Variants in WDPCP observed in about 807,000 individuals in gnomAD.
WDPCP encodes the protein WD repeat containing planar cell polarity effector.
Under a neutral mutation model 93.1 loss-of-function variants are expected in WDPCP, and 71 were observed. The ratio of observed to expected loss-of-function variants is 0.76; its 90% CI spans 0.63 to 0.93. WDPCP has a LOEUF of 0.93. WDPCP is among the 40% of genes least tolerant of loss of function. The pLI is 0.00. For synonymous variants in WDPCP, 315 were observed against 315.0 expected (o/e 1.00, Z 0.00); for missense variants, 844 against 887.4 (o/e 0.95, Z 0.62).
At chr2:63,286,836 AT>A (rs1247644034) in intron 13 of WDPCP, among the ~76,000 whole-genome samples, 4 of 151,978 alleles carry the variant, frequency 2.6e-5, no homozygotes, top group Non-Finnish European at 5.9e-5. Flanking sequence ...TTGCTTTTTA[AT>A]TTTTTATCAA....
At chr2:63,175,621 C>T (rs576019450) in intron 14 of WDPCP, among the ~76,000 whole-genome samples, 10 of 152,272 alleles carry the variant, frequency 6.6e-5, no homozygotes, top group African/African-American at 1.9e-4. Context: ...TGATAACCAA[C>T]GTGTTATTTT....
chr2:63,195,945 A>ATAAT (rs1459033642), intron 14 of WDPCP, among the ~76,000 whole-genome samples: 2 of 152,226 alleles, frequency 1.3e-5, no homozygotes, highest in African/African-American at 4.8e-5. Context: ...TACTACTGTA[A>ATAAT]TAATTGTATA....
At chr2:63,565,737 A>G (rs1470974981) in intron 1 of WDPCP, among the ~76,000 whole-genome samples, 3 of 152,222 alleles carry the variant, frequency 2.0e-5, no homozygotes, top group South Asian at 2.1e-4. Flanking sequence ...TATAGGTTAT[A>G]TAACTAAAGA....
At chr2:63,414,492 C>T (rs1384171055) in intron 9 of WDPCP, among the ~76,000 whole-genome samples, 1 of 151,770 alleles carries the variant, frequency 6.6e-6, no homozygotes, top group East Asian at 1.9e-4. Flanking sequence ...CACACACACA[C>T]ACACATATAT....
At chr2:63,337,597 G>A (rs985954940) in intron 12 of WDPCP, among the ~76,000 whole-genome samples, 1 of 152,138 alleles carries the variant, frequency 6.6e-6, no homozygotes, top group Non-Finnish European at 1.5e-5. Flanking sequence ...TCTTCATAGT[G>A]GCTATACTAA....
At chr2:63,199,007 A>C (rs942278829) in intron 14 of WDPCP, among the ~76,000 whole-genome samples, 2 of 152,184 alleles carry the variant, frequency 1.3e-5, no homozygotes, top group Non-Finnish European at 2.9e-5. Context: ...GCTATGCTTT[A>C]GCAGAGACTG....
intron 1 of WDPCP, among the ~76,000 whole-genome samples, chr2:63,497,623 CT>C (rs983608793): frequency 2.6e-5 from 4 of 151,996 alleles, no homozygotes; most frequent in Non-Finnish European, 5.9e-5. Flanking sequence ...AATCAACATC[CT>C]TTTTAGTCTT....
intron 14 of WDPCP, among the ~76,000 whole-genome samples, chr2:63,252,936 A>G (rs1227596771): frequency 6.6e-6 from 1 of 152,210 alleles, no homozygotes; most frequent in East Asian, 1.9e-4. Context: ...ATGGAACCAA[A>G]AAAGAGCCCA....
chr2:63,508,749 C>A (rs998537611), intron 1 of WDPCP, among the ~76,000 whole-genome samples: 1 of 152,040 alleles, frequency 6.6e-6, no homozygotes, highest in Non-Finnish European at 1.5e-5. Context: ...ATTTACCAAG[C>A]AAATGGAAAG....
chr2:63,687,635 T>G lies in WDPCP; in HGVS notation n.309-36797A>C, dbSNP rs1668827590. Among the ~76,000 whole-genome samples, 8 of 152,188 alleles carry G rather than the reference T, an allele frequency of 5.3e-5. No homozygotes were observed. The South Asian group carries it at 1.0e-3, about 20-fold the overall frequency. On this transcript the variant is annotated intron_variant and non_coding_transcript_variant, in intron 2 of 4. Transcript: ENST00000467687. ...AATGCAAATCAAAACTATAGTGAGA[T>G]ATCATCTCACCCCAGTTAAAATGGT...
intron 14 of WDPCP, among the ~76,000 whole-genome samples, chr2:63,245,609 T>C (rs943732850): frequency 1.3e-5 from 2 of 152,154 alleles, no homozygotes; most frequent in Non-Finnish European, 2.9e-5. Flanking sequence ...GATCATGTAT[T>C]GAGTAGATCC....
chr2:63,492,882 G>C lies in WDPCP; in HGVS notation c.134C>G (p.Ser45Cys). 6.2e-7 allele frequency: 1 copy of C among 1,613,548 alleles called. No homozygotes were observed. Among genetic ancestry groups the C allele is most frequent in the African/African-American group, 1.3e-5 (1 of 74,966 alleles). Residue 45 changes from serine to cysteine, a missense_variant, in exon 2 of 18, where the codon TCT becomes TGT. Ser to Cys is a moderately radical substitution (Grantham distance 112). Transcript: ENST00000272321. Reference protein sequence around the residue: ...SFCLTELHLWSLKNTLHIADR... With the variant: ...SFCLTELHLWCLKNTLHIADR... ...CGCAATGTGTAAGGTATTCTTCAAA[G>C]ACCACAGGTGCAGTTCAGTCAAGCA... is the stretch of plus-strand genomic sequence containing the variant.
At chr2:63,339,305 C>G (rs1350520369) in intron 12 of WDPCP, among the ~76,000 whole-genome samples, 2 of 152,190 alleles carry the variant, frequency 1.3e-5, no homozygotes, top group East Asian at 1.9e-4. Flanking sequence ...TCCCGAGTAG[C>G]TGGACTATAG....
In WDPCP at chr2:63,809,199, C is replaced by T. The variant is rs563245505; in HGVS notation, n.308+4423G>A. Among the ~76,000 whole-genome samples, 217 of 149,166 alleles carry T rather than the reference C, an allele frequency of 1.5e-3. 1 individual carries two copies. The highest frequency in any genetic ancestry group is 2.7e-3 in the Non-Finnish European group (179 of 67,072). ...GTCTCCGCCCGGCAGCCGCCCCGCC[C>T]GGGAGGTGAGGGGCGCCTCTGCCCG... On this transcript the variant is annotated intron_variant and non_coding_transcript_variant, in intron 2 of 4. Transcript: ENST00000467687.
At chr2:63,357,110 C>T (rs762237459) in intron 12 of WDPCP, among the ~76,000 whole-genome samples, 126 of 152,072 alleles carry the variant, frequency 8.3e-4, no homozygotes, top group Non-Finnish European at 2.8e-4. Flanking sequence ...TTACATCATA[C>T]AAAAATCAAC....
At chr2:63,611,161 T>C (rs1709609794) in intron 3 of WDPCP, among the ~76,000 whole-genome samples, 2 of 152,230 alleles carry the variant, frequency 1.3e-5, no homozygotes, top group Non-Finnish European at 2.9e-5. Flanking sequence ...TAAAGTTATG[T>C]AGTACTCTGT....
chr2:63,264,253 C>A (rs1681906628), intron 13 of WDPCP, among the ~76,000 whole-genome samples: 1 of 152,140 alleles, frequency 6.6e-6, no homozygotes, highest in African/African-American at 2.4e-5. Flanking sequence ...TGAGGACACA[C>A]AGACTGAAAG....
intron 1 of WDPCP, among the ~76,000 whole-genome samples, chr2:63,529,806 G>A (rs888725847): frequency 6.6e-6 from 1 of 152,114 alleles, no homozygotes; most frequent in Non-Finnish European, 1.5e-5. Flanking sequence ...CATAGAATTC[G>A]GCTGTGAATC....
intron 14 of WDPCP, among the ~76,000 whole-genome samples, chr2:63,220,382 A>T (rs978024138): frequency 6.6e-6 from 1 of 152,306 alleles, no homozygotes; most frequent in East Asian, 1.9e-4. Context: ...GCTGAATATT[A>T]GGTGGTTGGT....
Sources: allele counts gnomAD v4.1 joint callset (sites outside exome capture counted in the v4.1 genomes callset), GRCh38; gene constraint gnomAD v4.1.1; transcripts MANE v1.5; gene names NCBI Gene and HGNC (gene_info 2026-07-23, HGNC 2026-07-21).